ADAMTSL1: variants seen among roughly 807,000 people sequenced by gnomAD.
ADAMTSL1 encodes ADAMTS-like protein 1.
A neutral mutation model predicts 201.8 loss-of-function variants in ADAMTSL1; 126 were observed. The observed-to-expected ratio is 0.62, with a 90% CI of 0.54 to 0.72. ADAMTSL1 has a LOEUF of 0.72. ADAMTSL1 is among the 30% of genes least tolerant of loss of function. ADAMTSL1 has a pLI of 0.00. For missense variants in ADAMTSL1, 2,679 were observed against 2,277.8 expected (o/e 1.18, Z -3.59); for synonymous variants, 1,121 against 903.4 (o/e 1.24, Z -4.32).
chr9:18,866,116 C>CAAAAA (rs76778655), intron 23 of ADAMTSL1, among the ~76,000 whole-genome samples: 5 of 78,572 alleles, frequency 6.4e-5, no homozygotes, highest in East Asian at 3.9e-4. Context: ...CTTCAAAAAC[C>CAAAAA]AAAAAAAAAA....
chr9:18,403,862 G>C (rs1818079323), intron 2 of ADAMTSL1, among the ~76,000 whole-genome samples: 1 of 151,880 alleles, frequency 6.6e-6, no homozygotes, highest in Admixed American at 6.6e-5. Context: ...TATTCTTATG[G>C]TCTTCTACAT....
chr9:18,826,149 C>A, intron 21 of ADAMTSL1, 135 bp from the exon 22 acceptor site: 2 of 1,056,978 alleles, frequency 1.9e-6, no homozygotes, highest in South Asian at 1.5e-5. Flanking sequence ...TTTAATCTGG[C>A]CAAAGCCTGG....
At chr9:18,887,179 C>G (rs1385489491) in intron 23 of ADAMTSL1, among the ~76,000 whole-genome samples, 2 of 152,188 alleles carry the variant, frequency 1.3e-5, no homozygotes, top group African/African-American at 4.8e-5. Context: ...CTTACCGATT[C>G]TATGCTACAA....
Position 18,746,289 on chromosome 9 carries a change from G to A in ADAMTSL1, c.2007-7009G>A, listed in dbSNP as rs540831778. Reference sequence around the variant, plus strand: ...CCTGAAAGGGAGATGCATCCTGAAGGGAGATGCATCCTAGACCCTGTACGT... The same window carrying A: ...CCTGAAAGGGAGATGCATCCTGAAGAGAGATGCATCCTAGACCCTGTACGT... On this transcript the variant is annotated intron_variant, in intron 15 of 28. Coordinates refer to ENST00000380548, the MANE Select transcript of ADAMTSL1 (RefSeq NM_001040272.6). 4.8e-4 allele frequency among the ~76,000 whole-genome samples: 73 copies of A among 152,288 alleles called. 1 individual carries two copies. Among genetic ancestry groups the A allele is most frequent in the African/African-American group, 1.6e-3 (67 of 41,562 alleles).
intron 1 of ADAMTSL1, among the ~76,000 whole-genome samples, chr9:17,908,877 G>A (rs961701083): frequency 9.9e-5 from 15 of 151,958 alleles, no homozygotes; most frequent in African/African-American, 3.1e-4. Context: ...CTAGTTCTAG[G>A]TCCCTGAGGA....
At chr9:18,426,534 T>C (rs1328479545) in intron 2 of ADAMTSL1, among the ~76,000 whole-genome samples, 1 of 152,192 alleles carries the variant, frequency 6.6e-6, no homozygotes. Context: ...AGAGCTACTA[T>C]TGGTTGATTT....
At chr9:18,190,221 C>T (rs777922834) in intron 2 of ADAMTSL1, among the ~76,000 whole-genome samples, 9 of 152,148 alleles carry the variant, frequency 5.9e-5, no homozygotes, top group Non-Finnish European at 1.2e-4. Flanking sequence ...TTTCAAATTC[C>T]AGCAACTAAG....
At chr9:17,966,956 T>A (rs1818000121) in intron 1 of ADAMTSL1, among the ~76,000 whole-genome samples, 1 of 152,176 alleles carries the variant, frequency 6.6e-6, no homozygotes, top group Non-Finnish European at 1.5e-5. Flanking sequence ...ATAAATGTTA[T>A]TATTAACTCA....
rs375854358 is a variant in ADAMTSL1 at position 18,079,552 on chromosome 9, C to T, written c.88-84310C>T. Among the ~76,000 whole-genome samples, 234 of 151,872 alleles carry T rather than the reference C, an allele frequency of 1.5e-3. 7 individuals are homozygous for T. In the South Asian group the frequency reaches 0.048, roughly 31 times the overall value. On this transcript the variant is annotated intron_variant, in intron 1 of 29. Coordinates refer to the ADAMTSL1 transcript ENST00000680146. Reference sequence around the variant, plus strand: ...GAAAAATTAGCCGGGCATGGTGGTGCACGCCTGTAGTCCCAGCTACTTGGG... The same window carrying T: ...GAAAAATTAGCCGGGCATGGTGGTGTACGCCTGTAGTCCCAGCTACTTGGG...
At chr9:18,172,165 ATACT>A (rs1405484505) in intron 2 of ADAMTSL1, among the ~76,000 whole-genome samples, 3 of 151,980 alleles carry the variant, frequency 2.0e-5, no homozygotes, top group Non-Finnish European at 2.9e-5. Flanking sequence ...ATTAGGAGAA[ATACT>A]TAATGTAGAT....
intron 1 of ADAMTSL1, among the ~76,000 whole-genome samples, chr9:18,050,827 T>A (rs1447826990): frequency 6.6e-6 from 1 of 152,154 alleles, no homozygotes; most frequent in East Asian, 1.9e-4. Flanking sequence ...GGTGCCATGT[T>A]TCCATGTCAA....
At chr9:18,807,135 CG>C (rs1364554195) in intron 20 of ADAMTSL1, among the ~76,000 whole-genome samples, 3 of 152,140 alleles carry the variant, frequency 2.0e-5, no homozygotes, top group African/African-American at 7.2e-5. Flanking sequence ...TAAATTGAAA[CG>C]CTTGCCTTTA....
intron 2 of ADAMTSL1, among the ~76,000 whole-genome samples, chr9:18,509,837 A>G (rs999328676): frequency 6.6e-6 from 1 of 152,202 alleles, no homozygotes; most frequent in Admixed American, 6.5e-5. Context: ...CTATTCTTCA[A>G]TCTAGCATGA....
intron 2 of ADAMTSL1, among the ~76,000 whole-genome samples, chr9:18,316,332 G>T (rs7847134): frequency 6.6e-6 from 1 of 151,986 alleles, no homozygotes; most frequent in Non-Finnish European, 1.5e-5. Context: ...TATTAGGTGG[G>T]AATTTCCTCT....
intron 1 of ADAMTSL1, among the ~76,000 whole-genome samples, chr9:17,957,155 A>G (rs1827964465): frequency 6.6e-6 from 1 of 152,192 alleles, no homozygotes; most frequent in Admixed American, 6.5e-5. Context: ...ACGGATGGAT[A>G]TAGATATAAA....
At chr9:18,427,682 C>T (rs1819287220) in intron 2 of ADAMTSL1, among the ~76,000 whole-genome samples, 1 of 152,164 alleles carries the variant, frequency 6.6e-6, no homozygotes, top group Non-Finnish European at 1.5e-5. Flanking sequence ...AGGCAGGAGC[C>T]CAGGACCTGC....
intron 2 of ADAMTSL1, among the ~76,000 whole-genome samples, chr9:18,193,489 G>A (rs112997325): frequency 6.6e-5 from 10 of 151,736 alleles, no homozygotes; most frequent in Non-Finnish European, 1.2e-4. Context: ...TCCTCTTCTG[G>A]CTCTCTCTCT....
chr9:18,517,420 T>C (rs1478157512), intron 2 of ADAMTSL1, among the ~76,000 whole-genome samples: 1 of 148,896 alleles, frequency 6.7e-6, no homozygotes, highest in Non-Finnish European at 1.5e-5. Context: ...TTTTTTAATT[T>C]ATTTTTTTTT....
intron 4 of ADAMTSL1, among the ~76,000 whole-genome samples, chr9:18,608,808 G>A (rs1825194089): frequency 6.6e-6 from 1 of 152,110 alleles, no homozygotes; most frequent in African/African-American, 2.4e-5. Context: ...TTGGTTCATT[G>A]TTAATTCTGA....
Sources: allele counts gnomAD v4.1 joint callset (sites outside exome capture counted in the v4.1 genomes callset), GRCh38; gene constraint gnomAD v4.1.1; transcripts MANE v1.5; gene names NCBI Gene and HGNC (gene_info 2026-07-23, HGNC 2026-07-21).